Variants in SIK3 observed in about 807,000 individuals in gnomAD.
The protein encoded by SIK3 is SIK family kinase 3, also known as serine/threonine-protein kinase SIK3.
SIK3 carries 28 observed loss-of-function variants against 144.2 expected under a neutral mutation model. The observed-to-expected ratio is 0.19, with a 90% confidence interval of 0.14 to 0.27. The LOEUF (loss-of-function observed/expected upper bound fraction) is 0.27. SIK3 is among the 10% of genes least tolerant of loss of function. The pLI is 1.00. For synonymous variants in SIK3, 686 were observed against 676.3 expected (o/e 1.01, Z -0.22); for missense variants, 1,319 against 1,776.0 (o/e 0.74, Z 4.62).
In SIK3 at chr11:116,846,307, G is replaced by A. The variant is rs1040036007; in HGVS notation, c.*13+76C>T. 2 of 1,487,466 alleles carry A rather than the reference G, an allele frequency of 1.3e-6. No homozygotes were observed. The highest frequency in any genetic ancestry group is 2.8e-5 in the African/African-American group (2 of 72,542). 92.1% of individuals were successfully genotyped at this position (1,487,466 alleles called of 1,614,324 possible). ...CTGCACTGGCCACCACAACACATGGGCTGAAGCTCCTGATGGGATTGGGAG... is the reference window on the plus strand; with the variant it reads ...CTGCACTGGCCACCACAACACATGGACTGAAGCTCCTGATGGGATTGGGAG... On this transcript the variant is annotated intron_variant, in intron 24 of 24. Transcript: ENST00000445177. This position sits in a 1 kb window ranked among gnomAD's most constrained non-coding sequence, Gnocchi z 4.1.
intron 1 of SIK3, among the ~76,000 whole-genome samples, chr11:116,999,798 C>T (rs1292058746): frequency 6.6e-6 from 1 of 152,130 alleles, no homozygotes; most frequent in Non-Finnish European, 1.5e-5. Context: ...CTTGTTTTGA[C>T]CTACTATTAT....
chr11:117,044,719 A>T (rs1565589554), intron 1 of SIK3, among the ~76,000 whole-genome samples: 1 of 152,182 alleles, frequency 6.6e-6, no homozygotes, highest in East Asian at 1.9e-4. Flanking sequence ...CGTCTTTATA[A>T]AAAGTAAAAA....
At chr11:116,862,702 G>A (rs531814693) in intron 16 of SIK3, among the ~76,000 whole-genome samples, 5 of 152,184 alleles carry the variant, frequency 3.3e-5, no homozygotes, top group Admixed American at 1.3e-4. Flanking sequence ...TGAGAGTGCC[G>A]TTCCATACCA....
intron 6 of SIK3, among the ~76,000 whole-genome samples, chr11:116,887,558 C>T (rs1240629507): frequency 6.7e-6 from 1 of 149,892 alleles, no homozygotes; most frequent in East Asian, 2.0e-4. Flanking sequence ...CGGAAGTTGC[C>T]GTGAGCTGAG....
intron 6 of SIK3, among the ~76,000 whole-genome samples, chr11:116,891,434 A>G (rs942210435): frequency 6.6e-6 from 1 of 152,254 alleles, no homozygotes; most frequent in African/African-American, 2.4e-5. Context: ...TGGACAAAAT[A>G]GCAAGACCCC....
At chr11:116,983,553 C>A (rs1408684291) in intron 1 of SIK3, among the ~76,000 whole-genome samples, 1 of 151,758 alleles carries the variant, frequency 6.6e-6, no homozygotes, top group Non-Finnish European at 1.5e-5. Flanking sequence ...TCAATAATTT[C>A]AAGAATACAT....
Position 117,098,146 on chromosome 11 carries a change from G to C in SIK3, c.270C>G (p.Ala90=). The part of the protein sequence containing the change: ...VKRATHLVTK[A]KVAIKIIDKT... Reference sequence around the variant, plus strand: ...CGCCTGGCCCCTGCGCCGGTACCTTGGCCTTGGTGACGAGGTGCGTGGCCC... The same window carrying C: ...CGCCTGGCCCCTGCGCCGGTACCTTCGCCTTGGTGACGAGGTGCGTGGCCC... Residue 90 remains alanine, a synonymous_variant, in exon 1 of 25, where the codon GCC becomes GCG. Transcript: ENST00000445177. 6.7e-7 allele frequency: 1 copy of C among 1,495,326 alleles called. No homozygotes were observed. The highest frequency in any genetic ancestry group is 8.9e-7 in the Non-Finnish European group (1 of 1,120,670). The allele number at this position is 1,495,326 out of a possible 1,614,324, so 92.6% of individuals were successfully genotyped here.
chr11:117,093,648 A>T (rs976693962), intron 1 of SIK3, among the ~76,000 whole-genome samples: 3 of 151,144 alleles, frequency 2.0e-5, no homozygotes, highest in Non-Finnish European at 4.4e-5. Flanking sequence ...CACAGTTTTC[A>T]TTAGATAAGT....
chr11:116,906,017 AG>A (rs751029262), intron 4 of SIK3, among the ~76,000 whole-genome samples: 3 of 152,216 alleles, frequency 2.0e-5, no homozygotes, highest in Non-Finnish European at 4.4e-5. Flanking sequence ...GTGAATATAA[AG>A]GTACCAGTAA....
At chr11:116,847,643 C>A in intron 22 of SIK3, 35 bp from the exon 23 acceptor site, 3 of 1,612,846 alleles carry the variant, frequency 1.9e-6, no homozygotes, top group Non-Finnish European at 2.5e-6. Flanking sequence ...AATAAGCACA[C>A]AAGACACCAC....
At chr11:117,019,529 G>C (rs1951677944) in intron 1 of SIK3, among the ~76,000 whole-genome samples, 1 of 152,134 alleles carries the variant, frequency 6.6e-6, no homozygotes, top group South Asian at 2.1e-4. Context: ...TAAAAGTCTT[G>C]TAATAAACAG....
chr11:116,936,008 C>T (rs184314812), intron 3 of SIK3, among the ~76,000 whole-genome samples: 1 of 152,262 alleles, frequency 6.6e-6, no homozygotes, highest in East Asian at 1.9e-4. Context: ...GGTGTGGTGG[C>T]TCACACCTGT....
chr11:116,915,052 C>T (rs1217018758), intron 4 of SIK3, among the ~76,000 whole-genome samples: 1 of 151,564 alleles, frequency 6.6e-6, no homozygotes, highest in Admixed American at 6.6e-5. Context: ...GTGACCCACA[C>T]TATTTATTTC....
intron 1 of SIK3, among the ~76,000 whole-genome samples, chr11:117,036,548 T>A (rs1952512756): frequency 6.6e-6 from 1 of 152,280 alleles, no homozygotes; most frequent in African/African-American, 2.4e-5. Flanking sequence ...ACATATATGC[T>A]CTTTTAGAGC....
At chr11:117,079,884 ACAGGC>A (rs1281070894) in intron 1 of SIK3, among the ~76,000 whole-genome samples, 1 of 152,124 alleles carries the variant, frequency 6.6e-6, no homozygotes, top group Non-Finnish European at 1.5e-5. Context: ...AAAAGCTATT[ACAGGC>A]CAGGCACAGC....
At chr11:117,095,349 T>A (rs1477988917) in intron 1 of SIK3, among the ~76,000 whole-genome samples, 1 of 151,936 alleles carries the variant, frequency 6.6e-6, no homozygotes, top group African/African-American at 2.4e-5. Context: ...GACCATTTCC[T>A]ACAAGGGGAA....
Position 116,875,891 on chromosome 11 carries a change from G to A in SIK3, c.1214C>T (p.Ala405Val). ...GALPSMPRALAFQAPVNIQAE... is the reference protein window; with the variant it reads ...GALPSMPRALVFQAPVNIQAE... The stretch of plus-strand genomic sequence containing the variant: ...CTGGATATTGACTGGTGCTTGAAAG[G>A]CCAGGGCTCGGGGCATGCTAGGAAG... Residue 405 changes from alanine to valine, a missense_variant, in exon 9 of 25, where the codon GCC (alanine) becomes GTC (valine). Coordinates refer to ENST00000445177, the MANE Select transcript of SIK3 (RefSeq NM_001366686.3). 1 of 1,607,554 alleles carries A rather than the reference G, an allele frequency of 6.2e-7. No individual in the cohort carries two copies. Among genetic ancestry groups the A allele is most frequent in the Non-Finnish European group, 8.5e-7 (1 of 1,178,396 alleles).
chr11:116,948,669 G>A (rs1239152384), intron 3 of SIK3, among the ~76,000 whole-genome samples: 1 of 151,762 alleles, frequency 6.6e-6, no homozygotes, highest in Non-Finnish European at 1.5e-5. Context: ...TCTCTCTCTC[G>A]TCAATCTAGC....
At chr11:116,949,972 A>T (rs1268123878) in intron 3 of SIK3, among the ~76,000 whole-genome samples, 1 of 152,040 alleles carries the variant, frequency 6.6e-6, no homozygotes, top group African/African-American at 2.4e-5. Flanking sequence ...TCTCTGAGTG[A>T]CGCTCCCACT....
Sources: allele counts gnomAD v4.1 joint callset (sites outside exome capture counted in the v4.1 genomes callset), GRCh38; gene constraint gnomAD v4.1.1; non-coding constraint Gnocchi (gnomAD v3.1); transcripts MANE v1.5; gene names NCBI Gene and HGNC (gene_info 2026-07-23, HGNC 2026-07-21).